The following STX8 variants were observed in gnomAD, a reference collection of about 807,000 sequenced individuals.
STX8 encodes syntaxin 8, also known as syntaxin-8.
In STX8, 23 loss-of-function variants were observed where a neutral mutation model predicts 37.5. That is an observed-to-expected ratio of 0.61 (90% CI 0.44 to 0.87). STX8 has a LOEUF of 0.87. Among genes scored for constraint, STX8 ranks in the 40% least tolerant of loss-of-function variants. The pLI is 0.00. For missense variants in STX8, 313 were observed against 284.7 expected (o/e 1.10, Z -0.71); for synonymous variants, 115 against 99.1 (o/e 1.16, Z -0.95).
chr17:9,316,567 C>T (rs1909388224), intron 7 of STX8, among the ~76,000 whole-genome samples: 1 of 152,200 alleles, frequency 6.6e-6, no homozygotes, highest in South Asian at 2.1e-4. Flanking sequence ...GCGAGGGTGG[C>T]ATGCCCAGAG....
chr17:9,270,534 G>A (rs183589136), intron 7 of STX8, among the ~76,000 whole-genome samples: 4 of 152,202 alleles, frequency 2.6e-5, no homozygotes, highest in East Asian at 3.9e-4. Context: ...GATTACAGGC[G>A]TGAGCAACCG....
At chr17:9,317,592 C>A (rs540551523) in intron 7 of STX8, among the ~76,000 whole-genome samples, 1 of 151,946 alleles carries the variant, frequency 6.6e-6, no homozygotes, top group Non-Finnish European at 1.5e-5. Flanking sequence ...AGTGAAACCC[C>A]GTCTCTACTA....
intron 5 of STX8, among the ~76,000 whole-genome samples, chr17:9,503,452 A>G (rs1457730942): frequency 6.6e-6 from 1 of 152,200 alleles, no homozygotes; most frequent in Non-Finnish European, 1.5e-5. Context: ...TACTTCAAAC[A>G]TGGGCCATTT....
intron 7 of STX8, among the ~76,000 whole-genome samples, chr17:9,338,240 G>A (rs1029479348): frequency 1.2e-4 from 18 of 151,974 alleles, no homozygotes; most frequent in African/African-American, 4.4e-4. Context: ...TTTTAGTAGA[G>A]ATGGGTTTTC....
chr17:9,315,043 A>G (rs1416102297), intron 7 of STX8, among the ~76,000 whole-genome samples: 1 of 149,758 alleles, frequency 6.7e-6, no homozygotes, highest in Non-Finnish European at 1.5e-5. Context: ...TGGAGTTTGC[A>G]GTCAGCCGAG....
chr17:9,462,132 T>C (rs376502733), intron 6 of STX8, among the ~76,000 whole-genome samples: 33 of 151,770 alleles, frequency 2.2e-4, no homozygotes, highest in Non-Finnish European at 4.7e-4. Context: ...TGGCCAGGAG[T>C]TGGGGACCCC....
At chr17:9,433,588 G>T (rs7215522) in intron 6 of STX8, among the ~76,000 whole-genome samples, 1 of 151,980 alleles carries the variant, frequency 6.6e-6, no homozygotes, top group South Asian at 2.1e-4. Flanking sequence ...AACTCATCAT[G>T]TTGTAGGCAT....
chr17:9,267,978 T>G (rs1597573827), intron 7 of STX8, among the ~76,000 whole-genome samples: 4 of 127,272 alleles, frequency 3.1e-5, no homozygotes, highest in East Asian at 2.2e-4. Context: ...GGAACAAGAG[T>G]GAAACTCTGC....
chr17:9,510,927 T>A (rs1029551672), intron 4 of STX8, among the ~76,000 whole-genome samples: 3 of 151,892 alleles, frequency 2.0e-5, no homozygotes, highest in Admixed American at 6.6e-5. Context: ...AAAGGAGACA[T>A]GACAATGGAT....
intron 7 of STX8, among the ~76,000 whole-genome samples, chr17:9,262,694 G>A (rs1434673163): frequency 1.3e-5 from 2 of 151,874 alleles, no homozygotes; most frequent in East Asian, 1.9e-4. Context: ...CAATTCTCCT[G>A]CCTCAGCCTC....
intron 4 of STX8, among the ~76,000 whole-genome samples, chr17:9,521,505 G>A (rs1597722214): frequency 6.6e-6 from 1 of 152,134 alleles, no homozygotes; most frequent in East Asian, 1.9e-4. Flanking sequence ...GATTATGTAG[G>A]AATATCTGTA....
chr17:9,440,736 G>A (rs1305037541), intron 6 of STX8, among the ~76,000 whole-genome samples: 2 of 152,058 alleles, frequency 1.3e-5, no homozygotes, highest in African/African-American at 4.8e-5. Flanking sequence ...TGTTGGCCAG[G>A]CTGGTCTCAA....
chr17:9,445,978 G>C (rs1021803683), intron 6 of STX8, among the ~76,000 whole-genome samples: 2 of 151,638 alleles, frequency 1.3e-5, no homozygotes, highest in South Asian at 2.1e-4. Flanking sequence ...TGGGACTACA[G>C]GCGCCTGCCA....
At chr17:9,437,411 C>A (rs1215463122) in intron 6 of STX8, among the ~76,000 whole-genome samples, 2 of 152,200 alleles carry the variant, frequency 1.3e-5, no homozygotes, top group African/African-American at 4.8e-5. Flanking sequence ...GCTGATACAA[C>A]AGCTTTCAGG....
At chr17:9,254,254 G>A (rs1052925989) in intron 7 of STX8, among the ~76,000 whole-genome samples, 17 of 152,112 alleles carry the variant, frequency 1.1e-4, no homozygotes, top group Admixed American at 1.0e-3. Context: ...TCCCAGCTTC[G>A]ACACGCGCTA....
intron 7 of STX8, among the ~76,000 whole-genome samples, chr17:9,300,475 GT>G (rs1325720844): frequency 2.6e-5 from 4 of 152,042 alleles, no homozygotes; most frequent in Non-Finnish European, 5.9e-5. Context: ...GCTAGTTTGA[GT>G]TGGGTTTTGA....
At chr17:9,292,542 C>T (rs1348493962) in intron 7 of STX8, among the ~76,000 whole-genome samples, 1 of 152,210 alleles carries the variant, frequency 6.6e-6, no homozygotes, top group Non-Finnish European at 1.5e-5. Flanking sequence ...AAAGAGGAGG[C>T]ACTCATATTT....
At chr17:9,402,506 G>T (rs1481469147) in intron 6 of STX8, among the ~76,000 whole-genome samples, 1 of 152,130 alleles carries the variant, frequency 6.6e-6, no homozygotes, top group East Asian at 1.9e-4. Flanking sequence ...GCATAGAGAA[G>T]AAATCCAAAT....
rs185019763 is a variant in STX8 at position 9,288,733 on chromosome 17, C to A, written c.644-38088G>T. ...GAATTTCAATGGAAGAATTTTAAGA[C>A]TCACTTGAAGAAATGAACAAAACAA... On this transcript the variant is annotated intron_variant, in intron 7 of 7. Coordinates refer to ENST00000306357, the MANE Select transcript of STX8 (RefSeq NM_004853.3). Among the ~76,000 whole-genome samples the A allele has an allele frequency of 3.8e-3, 583 of 151,512 alleles. 3 individuals carry two copies. The highest frequency in any genetic ancestry group is 0.013 in the African/African-American group (538 of 41,416).
Sources: allele counts gnomAD v4.1 joint callset (sites outside exome capture counted in the v4.1 genomes callset), GRCh38; gene constraint gnomAD v4.1.1; transcripts MANE v1.5; gene names NCBI Gene and HGNC (gene_info 2026-07-23, HGNC 2026-07-21).